Variants in SOX6 observed in about 807,000 individuals in gnomAD.
SOX6 encodes the protein SRY-box transcription factor 6, also known as transcription factor SOX-6.
A neutral mutation model predicts 97.8 loss-of-function variants in SOX6; 11 were observed. The ratio of observed to expected loss-of-function variants is 0.11; its 90% CI spans 0.07 to 0.19. The LOEUF is 0.19. SOX6 is among the 10% of genes least tolerant of loss of function. The pLI is 1.00. For synonymous variants in SOX6, 360 were observed against 371.4 expected (o/e 0.97, Z 0.35); for missense variants, 810 against 1,039.5 (o/e 0.78, Z 3.04).
At chr11:16,365,157 T>C (rs1857321130) in intron 1 of SOX6, among the ~76,000 whole-genome samples, 1 of 152,040 alleles carries the variant, frequency 6.6e-6, no homozygotes, top group African/African-American at 2.4e-5. Context: ...AATTTATAAA[T>C]TAAACTTTAC....
Position 16,664,918 on chromosome 11 carries a change from C to A in SOX6, n.429+49912G>T, listed in dbSNP as rs535264802. ...GAGGCCCCCATTCCAGGCCCTAGCTCTTGGATGACATTTCTAGACACACCT... is the reference window on the plus strand; with the variant it reads ...GAGGCCCCCATTCCAGGCCCTAGCTATTGGATGACATTTCTAGACACACCT... On this transcript the variant is annotated intron_variant and non_coding_transcript_variant, in intron 3 of 5. Coordinates refer to the SOX6 transcript ENST00000524520. Among the ~76,000 whole-genome samples the A allele has an allele frequency of 1.9e-3, 284 of 152,002 alleles. 1 individual carries two copies. The highest frequency in any genetic ancestry group is 2.7e-3 in the Non-Finnish European group (181 of 67,994).
intron 1 of SOX6, among the ~76,000 whole-genome samples, chr11:16,415,808 T>C (rs1181388352): frequency 6.6e-6 from 1 of 152,162 alleles, no homozygotes; most frequent in African/African-American, 2.4e-5. Flanking sequence ...CTAAATGGCA[T>C]GTCATTGAGG....
At chr11:16,111,235 T>C (rs1380255842) in intron 7 of SOX6, among the ~76,000 whole-genome samples, 1 of 152,184 alleles carries the variant, frequency 6.6e-6, no homozygotes, top group Non-Finnish European at 1.5e-5. Context: ...ATTTGCTAAA[T>C]CATCTTAAAA....
Position 15,970,920 on chromosome 11 carries a change from G to A in SOX6, c.*1889C>T, listed in dbSNP as rs950393762. ...TAAACCTCTCTGGGGGAAGCCCCCC[G>A]ATAGACAACCTGTCCTAGTTTCAGG... On this transcript the variant is annotated 3_prime_UTR_variant, in exon 16 of 16. Transcript: ENST00000683767. 2.0e-5 allele frequency: 3 copies of A among 152,596 alleles called. No homozygotes were observed. Among genetic ancestry groups the A allele is most frequent in the East Asian group, 3.8e-4 (2 of 5,198 alleles). The allele number at this position is 152,596 out of a possible 1,614,324, so 9.5% of individuals were successfully genotyped here.
intron 6 of SOX6, among the ~76,000 whole-genome samples, chr11:16,179,959 T>A (rs1214511698): frequency 6.6e-6 from 1 of 151,854 alleles, no homozygotes; most frequent in Admixed American, 6.6e-5. Context: ...ATGAGCTGAA[T>A]TCTTTTGCAA....
chr11:16,707,321 CTT>C (rs894861464), intron 3 of SOX6, among the ~76,000 whole-genome samples: 6 of 149,788 alleles, frequency 4.0e-5, no homozygotes, highest in African/African-American at 1.2e-4. Flanking sequence ...AAATAACAAA[CTT>C]AATGAGGAAT....
At chr11:16,549,327 G>T (rs150742547) in intron 4 of SOX6, among the ~76,000 whole-genome samples, 7 of 151,936 alleles carry the variant, frequency 4.6e-5, no homozygotes, top group African/African-American at 7.3e-5. Flanking sequence ...GCGCCACCAC[G>T]CCTGGCTAAT....
chr11:16,400,785 G>C (rs1235639643), intron 1 of SOX6, among the ~76,000 whole-genome samples: 1 of 151,482 alleles, frequency 6.6e-6, no homozygotes, highest in South Asian at 2.1e-4. Context: ...TACATACGTA[G>C]ATAAAAGACT....
chr11:16,657,036 G>A (rs1847725437), intron 3 of SOX6, among the ~76,000 whole-genome samples: 1 of 152,094 alleles, frequency 6.6e-6, no homozygotes, highest in African/African-American at 2.4e-5. Context: ...TTTTCACACT[G>A]CTTAATGTCA....
intron 3 of SOX6, among the ~76,000 whole-genome samples, chr11:16,668,630 A>C (rs538375392): frequency 1.3e-5 from 2 of 152,314 alleles, no homozygotes; most frequent in Admixed American, 1.3e-4. Context: ...GATTAAACAA[A>C]TAAGACCCAA....
chr11:16,295,508 GAT>G (rs1855050197), intron 3 of SOX6, among the ~76,000 whole-genome samples: 1 of 152,096 alleles, frequency 6.6e-6, no homozygotes, highest in Non-Finnish European at 1.5e-5. Flanking sequence ...CTTTCCTGTA[GAT>G]ATAGTAATGG....
At chr11:16,560,942 T>C (rs1227081641) in intron 4 of SOX6, among the ~76,000 whole-genome samples, 2 of 152,036 alleles carry the variant, frequency 1.3e-5, no homozygotes, top group African/African-American at 4.8e-5. Context: ...GGCATAACAA[T>C]GATATAATGG....
chr11:16,345,598 T>C (rs190640090), intron 1 of SOX6, among the ~76,000 whole-genome samples: 1 of 152,080 alleles, frequency 6.6e-6, no homozygotes, highest in Non-Finnish European at 1.5e-5. Context: ...ACTCAGACAG[T>C]AAATTTATTT....
At chr11:16,403,828 T>C (rs1400004712) in intron 1 of SOX6, among the ~76,000 whole-genome samples, 1 of 151,618 alleles carries the variant, frequency 6.6e-6, no homozygotes, top group East Asian at 1.9e-4. Flanking sequence ...TTTCCCACTT[T>C]TGAACTTCTT....
At chr11:16,455,554 A>G (rs1859796839) in intron 1 of SOX6, among the ~76,000 whole-genome samples, 1 of 152,130 alleles carries the variant, frequency 6.6e-6, no homozygotes, top group African/African-American at 2.4e-5. Flanking sequence ...CAATTGTAAA[A>G]TGTTTTTGGT....
intron 3 of SOX6, among the ~76,000 whole-genome samples, chr11:16,691,433 T>A (rs1848012472): frequency 6.6e-6 from 1 of 152,230 alleles, no homozygotes. Context: ...AGATTTTTTC[T>A]TCTGAGACTT....
At chr11:16,123,032 A>C (rs1211853058) in intron 6 of SOX6, among the ~76,000 whole-genome samples, 1 of 152,158 alleles carries the variant, frequency 6.6e-6, no homozygotes, top group Non-Finnish European at 1.5e-5. Context: ...TGACTTTATT[A>C]ATTTCAAGAT....
chr11:16,510,965 C>T (rs1860871912), intron 4 of SOX6, among the ~76,000 whole-genome samples: 1 of 151,912 alleles, frequency 6.6e-6, no homozygotes, highest in Admixed American at 6.6e-5. Flanking sequence ...ATCTCAATAA[C>T]CTGATCTTGT....
chr11:16,429,219 T>A (rs547187018), intron 1 of SOX6, among the ~76,000 whole-genome samples: 1 of 152,320 alleles, frequency 6.6e-6, no homozygotes, highest in East Asian at 1.9e-4. Flanking sequence ...GCTTATACAC[T>A]GTAGGTGAGA....
Sources: allele counts gnomAD v4.1 joint callset (sites outside exome capture counted in the v4.1 genomes callset), GRCh38; gene constraint gnomAD v4.1.1; transcripts MANE v1.5; gene names NCBI Gene and HGNC (gene_info 2026-07-23, HGNC 2026-07-21).